Variants in VTI1A observed in about 807,000 individuals in gnomAD.
The protein encoded by VTI1A is vesicle transport through interaction with t-SNAREs homolog 1A.
VTI1A carries 22 observed loss-of-function variants against 34.9 expected under a neutral mutation model. The ratio of observed to expected loss-of-function variants is 0.63; its 90% CI spans 0.45 to 0.90. The LOEUF is 0.90. VTI1A is among the 40% of genes least tolerant of loss of function. VTI1A has a pLI of 0.00. For missense variants in VTI1A, 268 were observed against 275.6 expected (o/e 0.97, Z 0.20); for synonymous variants, 87 against 97.3 (o/e 0.89, Z 0.62).
chr10:112,467,616 A>G (rs915060829), intron 3 of VTI1A, among the ~76,000 whole-genome samples: 6 of 152,234 alleles, frequency 3.9e-5, no homozygotes, highest in Non-Finnish European at 8.8e-5. Context: ...TCATGTATTT[A>G]TATGTATATT....
At chr10:112,787,602 T>C (rs1852326578) in intron 7 of VTI1A, among the ~76,000 whole-genome samples, 4 of 152,068 alleles carry the variant, frequency 2.6e-5, no homozygotes. Context: ...TTTGTTGTGA[T>C]TTTTTTCTTT....
At chr10:112,709,067 C>T (rs952667078) in intron 7 of VTI1A, among the ~76,000 whole-genome samples, 1 of 152,128 alleles carries the variant, frequency 6.6e-6, no homozygotes, top group African/African-American at 2.4e-5. Context: ...GTACGTGTCC[C>T]CTTCCTCACC....
intron 3 of VTI1A, among the ~76,000 whole-genome samples, chr10:112,479,820 A>G (rs533746909): frequency 5.9e-5 from 9 of 152,330 alleles, no homozygotes; most frequent in Middle Eastern, 3.4e-3. Flanking sequence ...GGTGCATTTT[A>G]AACCTCAGCT....
Position 112,460,529 on chromosome 10 carries a change from A to C in VTI1A, c.100A>C (p.Lys34Gln). Reference protein sequence around the residue: ...ARVPRLPPDEKKQMVANVEKQ... With the variant: ...ARVPRLPPDEQKQMVANVEKQ... Reference sequence around the variant, plus strand: ...GGTATTATTGTTTGTTTCAGATGAAAAGAAACAGATGGTTGCAAATGTGGA... The same window carrying C: ...GGTATTATTGTTTGTTTCAGATGAACAGAAACAGATGGTTGCAAATGTGGA... Residue 34 changes from lysine (K) to glutamine (Q), a missense_variant, in exon 2 of 8, where the codon AAG (lysine) becomes CAG (glutamine). Transcript: ENST00000393077. 1 of 1,608,088 alleles carries C rather than the reference A, an allele frequency of 6.2e-7. No homozygotes were observed. The highest frequency in any genetic ancestry group is 8.5e-7 in the Non-Finnish European group (1 of 1,177,768).
chr10:112,696,237 G>GA (rs1280750957), intron 7 of VTI1A, among the ~76,000 whole-genome samples: 1 of 152,008 alleles, frequency 6.6e-6, no homozygotes, highest in Non-Finnish European at 1.5e-5. Flanking sequence ...TTTGACTTAA[G>GA]ACTAGGAGCC....
intron 4 of VTI1A, among the ~76,000 whole-genome samples, chr10:112,528,350 G>A (rs146117756): frequency 6.6e-6 from 1 of 152,184 alleles, no homozygotes; most frequent in East Asian, 1.9e-4. Flanking sequence ...CCAAAAAAGA[G>A]AGAAGAATGA....
intron 5 of VTI1A, among the ~76,000 whole-genome samples, chr10:112,574,679 C>G (rs1016929658): frequency 6.6e-6 from 1 of 152,134 alleles, no homozygotes; most frequent in Non-Finnish European, 1.5e-5. Flanking sequence ...ATGGATGGAA[C>G]CTATCAAGTG....
chr10:112,827,832 T>C, the VTI1A span: 1 of 152,238 alleles, frequency 6.6e-6, no homozygotes, highest in Non-Finnish European at 1.5e-5. Flanking sequence ...GCTACAGTTT[T>C]TGGACTGTGA....
intron 5 of VTI1A, among the ~76,000 whole-genome samples, chr10:112,539,847 C>T (rs938258713): frequency 6.6e-5 from 10 of 152,040 alleles, no homozygotes; most frequent in African/African-American, 1.2e-4. Flanking sequence ...TGGTCATTGA[C>T]GATCTACAGG....
At chr10:112,538,802 C>T (rs1850752138) in intron 5 of VTI1A, among the ~76,000 whole-genome samples, 1 of 151,312 alleles carries the variant, frequency 6.6e-6, no homozygotes, top group Non-Finnish European at 1.5e-5. Flanking sequence ...CCTAATAATC[C>T]TGTTTAAAAA....
At chr10:112,546,550 G>A (rs1488158284) in intron 5 of VTI1A, among the ~76,000 whole-genome samples, 7 of 152,092 alleles carry the variant, frequency 4.6e-5, no homozygotes, top group African/African-American at 7.2e-5. Context: ...GAACATGTGA[G>A]TAGGCATTAC....
At position 112,754,682 on chromosome 10, in the gene VTI1A, A is replaced by G. The variant is rs568597964; in HGVS notation, c.561-60608A>G. On this transcript the variant is annotated intron_variant, in intron 7 of 7. Coordinates refer to ENST00000393077, the MANE Select transcript of VTI1A (RefSeq NM_145206.4). ...TTTCAAACCTCATTCTTAAGGACAA[A>G]GGCCACATCGTCTCTGTCTTTATGC... Among the ~76,000 whole-genome samples, 4 of 152,330 alleles carry G rather than the reference A, an allele frequency of 2.6e-5. No homozygotes were observed. The South Asian group carries it at 8.3e-4, about 32-fold the overall frequency.
At chr10:112,640,675 A>G (rs1298079398) in intron 5 of VTI1A, among the ~76,000 whole-genome samples, 11 of 152,250 alleles carry the variant, frequency 7.2e-5, no homozygotes, top group Admixed American at 2.6e-4. Context: ...GACTTGTACC[A>G]TATAAAAGGG....
chr10:112,546,915 C>G (rs1220160525), intron 5 of VTI1A, among the ~76,000 whole-genome samples: 1 of 152,170 alleles, frequency 6.6e-6, no homozygotes, highest in African/African-American at 2.4e-5. Flanking sequence ...TGAAGGCTAT[C>G]TCTTTTTAAA....
In VTI1A at chr10:112,718,135, C is replaced by T. The variant is rs572112207; in HGVS notation, c.560+49137C>T. Among the ~76,000 whole-genome samples the T allele has an allele frequency of 9.9e-4, 150 of 152,190 alleles. 1 individual carries two copies. Among genetic ancestry groups the T allele is most frequent in the Non-Finnish European group, 1.1e-3 (72 of 68,026 alleles). Reference sequence around the variant, plus strand: ...TGTTGCCCCATCTTCTAGGAATTTGCACTTCCATCCATTGTTAAAGCCAAA... The same window carrying T: ...TGTTGCCCCATCTTCTAGGAATTTGTACTTCCATCCATTGTTAAAGCCAAA... On this transcript the variant is annotated intron_variant, in intron 7 of 7. Transcript: ENST00000393077.
intron 1 of VTI1A, chr10:112,449,109 C>T (rs1232206300): frequency 6.6e-6 from 1 of 152,232 alleles, no homozygotes; most frequent in Non-Finnish European, 1.5e-5. Flanking sequence ...ATCACCTCGC[C>T]TCTTCTCTTC....
chr10:112,599,252 C>T (rs1396814058), intron 5 of VTI1A, among the ~76,000 whole-genome samples: 2 of 152,136 alleles, frequency 1.3e-5, no homozygotes, highest in Non-Finnish European at 2.9e-5. Context: ...TAGGAAGCAA[C>T]CCACAAGGAG....
At chr10:112,480,590 C>T (rs1848429605) in intron 3 of VTI1A, among the ~76,000 whole-genome samples, 1 of 152,066 alleles carries the variant, frequency 6.6e-6, no homozygotes, top group South Asian at 2.1e-4. Flanking sequence ...TTGAGGAAGG[C>T]ACCCTCTGGG....
At chr10:112,650,373 A>C (rs1846962670) in intron 5 of VTI1A, among the ~76,000 whole-genome samples, 1 of 152,048 alleles carries the variant, frequency 6.6e-6, no homozygotes, top group South Asian at 2.1e-4. Context: ...GGCCAATAAC[A>C]TGCATGGAGC....
Sources: gnomAD v4.1 joint callset for allele counts (sites outside exome capture counted in the v4.1 genomes callset) on GRCh38, gnomAD v4.1.1 for gene constraint, MANE v1.5 for transcripts, NCBI Gene and HGNC (gene_info 2026-07-23, HGNC 2026-07-21) for gene names.